The following RBMS2 variants were observed in gnomAD, a reference collection of about 807,000 sequenced individuals.
RBMS2 encodes the protein RNA-binding motif, single-stranded-interacting protein 2.
In RBMS2, 38 loss-of-function variants were observed where a neutral mutation model predicts 58.4. The ratio of observed to expected loss-of-function variants is 0.65; its 90% confidence interval spans 0.50 to 0.85. RBMS2 has a LOEUF of 0.85. RBMS2 is among the 40% of genes least tolerant of loss of function. The probability of loss-of-function intolerance (pLI) is 0.00; values close to 1 mark genes in which losing one functional copy is unlikely to be tolerated. For synonymous variants in RBMS2, 151 were observed against 180.7 expected (o/e 0.84, Z 1.32); for missense variants, 367 against 503.7 (o/e 0.73, Z 2.60).
rs1200947078 is a variant in RBMS2, at chr12:56,589,310, CT to C, written c.*178del. 26 of 1,336,778 alleles carry C rather than the reference CT, an allele frequency of 1.9e-5. No homozygotes were observed. The highest frequency in any genetic ancestry group is 6.8e-6 in the Non-Finnish European group (7 of 1,026,786). The allele number at this position is 1,336,778 out of a possible 1,614,324, so 82.8% of individuals were successfully genotyped here. A position where few individuals can be genotyped will look rare whatever the true frequency, so the allele number is the denominator to read the frequency against. ...CCTGGAAAAAGAAATCTCTACGTTC[CT>C]GCCCTTTACTATTGCTGATGGAGCC... On this transcript the variant is annotated 3_prime_UTR_variant, in exon 14 of 14. Coordinates refer to ENST00000262031, the MANE Select transcript of RBMS2 (RefSeq NM_002898.4).
At chr12:56,538,535 T>C (rs1875419837) in intron 1 of RBMS2, among the ~76,000 whole-genome samples, 1 of 138,150 alleles carries the variant, frequency 7.2e-6, no homozygotes, top group Admixed American at 8.0e-5. Flanking sequence ...TCACCCAGGC[T>C]GGAGTGCAGT....
At chr12:56,562,099 C>T (rs1259367212) in intron 1 of RBMS2, among the ~76,000 whole-genome samples, 1 of 152,154 alleles carries the variant, frequency 6.6e-6, no homozygotes, top group African/African-American at 2.4e-5. Flanking sequence ...TGAGCCACCA[C>T]GCCCAGCCTA....
At chr12:56,541,851 G>GTCCC in intron 1 of RBMS2, among the ~76,000 whole-genome samples, 1 of 152,168 alleles carries the variant, frequency 6.6e-6, no homozygotes, top group Non-Finnish European at 1.5e-5. Flanking sequence ...TAAGAAGGGA[G>GTCCC]GGGTGATATG....
Position 56,566,082 on chromosome 12 carries a change from G to T in RBMS2, c.234-2893G>T, listed in dbSNP as rs1032280808. On this transcript the variant is annotated intron_variant, in intron 2 of 13. Transcript: ENST00000262031. The stretch of plus-strand genomic sequence containing the variant: ...CCAAGTGTGTAGCCTGGAAGGGCTA[G>T]GATAGCCACATCCATCCTCACCCTC... Among the ~76,000 whole-genome samples, 3 of 152,268 alleles carry T rather than the reference G, an allele frequency of 2.0e-5. No homozygotes were observed. The East Asian group carries it at 5.8e-4, about 29-fold the overall frequency.
In RBMS2 at chr12:56,544,754, AT is replaced by A. The variant is rs537510847; in HGVS notation, c.67-17650del. The stretch of plus-strand genomic sequence containing the variant: ...TGCCACCATGCCCAGCTAATTTTTA[AT>A]TTTTTTTTTTTTCTTTTTTGTAGAG... On this transcript the variant is annotated intron_variant, in intron 1 of 13. Transcript: ENST00000262031. Among the ~76,000 whole-genome samples the A allele has an allele frequency of 6.8e-3, 784 of 116,084 alleles. 17 individuals are homozygous for A. Among genetic ancestry groups the A allele is most frequent in the African/African-American group, 0.023 (760 of 32,360 alleles). The allele number at this position is 116,084 out of a possible 152,430, so 76.2% of individuals were successfully genotyped here.
At chr12:56,573,464 G>A (rs1489386220) in intron 5 of RBMS2, among the ~76,000 whole-genome samples, 6 of 112,562 alleles carry the variant, frequency 5.3e-5, no homozygotes, top group Non-Finnish European at 8.4e-5. Flanking sequence ...GCAGCAAAGC[G>A]AGACGCCATC....
intron 1 of RBMS2, among the ~76,000 whole-genome samples, chr12:56,540,189 T>C (rs892702191): frequency 6.6e-6 from 1 of 152,134 alleles, no homozygotes; most frequent in African/African-American, 2.4e-5. Flanking sequence ...GCCAGAGCCA[T>C]GTCTGGTTTA....
Position 56,586,942 on chromosome 12 carries a change from T to C in RBMS2, c.951+16T>C, listed in dbSNP as rs774783455. 8.1e-6 allele frequency: 13 copies of C among 1,607,188 alleles called. No homozygotes were observed. The Admixed American group carries it at 2.2e-4, about 27-fold the overall frequency. On this transcript the variant is annotated intron_variant, in intron 10 of 13. Transcript: ENST00000262031. ...GCAGCCTTCAGTGAGTATTCAGAAG[T>C]GGGCAGAAGCCAAAGAGGCAATTTG...
rs2136552644 is a variant in RBMS2, at chr12:56,581,512, A to G, written c.732+4A>G. ...TTGGCCAAGGAATGCAGACATGGTA[A>G]GAGGACCTCTGAGGAGACAGGAGTA... is the stretch of plus-strand genomic sequence containing the variant. On this transcript the variant is annotated splice_donor_region_variant and intron_variant, in intron 7 of 13. Transcript: ENST00000262031. 2 of 1,611,224 alleles carry G rather than the reference A, an allele frequency of 1.2e-6. No homozygotes were observed. The highest frequency in any genetic ancestry group is 2.2e-5 in the South Asian group (2 of 90,988).
At chr12:56,542,037 A>C (rs147539252) in intron 1 of RBMS2, among the ~76,000 whole-genome samples, 372 of 133,986 alleles carry the variant, frequency 2.8e-3, no homozygotes, top group African/African-American at 9.8e-3. Flanking sequence ...TTATTAGATC[A>C]ATGCTTAAAT....
chr12:56,559,309 C>T (rs976460806), intron 1 of RBMS2, among the ~76,000 whole-genome samples: 2 of 151,536 alleles, frequency 1.3e-5, no homozygotes, highest in Non-Finnish European at 2.9e-5. Context: ...CTTAGCCTCC[C>T]TGAGTAGCTG....
In RBMS2 at chr12:56,564,737, G is replaced by A. The variant is rs370615130; in HGVS notation, c.233+2154G>A. ...GCCTGTAATTCCAGCACTTTGGGAG[G>A]CCAAGATGGGTGGATCACCTGAGGT... is the stretch of plus-strand genomic sequence containing the variant. On this transcript the variant is annotated intron_variant, in intron 2 of 13. Transcript: ENST00000262031. 1.3e-4 allele frequency among the ~76,000 whole-genome samples: 20 copies of A among 152,318 alleles called. 1 individual carries two copies. The highest frequency in any genetic ancestry group is 5.2e-4 in the Admixed American group (8 of 15,292).
Position 56,562,552 on chromosome 12 carries a change from A to G in RBMS2, c.202A>G (p.Thr68Ala). 6.2e-7 allele frequency: 1 copy of G among 1,613,570 alleles called. No individual in the cohort carries two copies. The change falls in exon 2 of 14, where the codon ACT (threonine) becomes GCT (alanine). Residue 68 changes from threonine to alanine, a missense_variant. Thr to Ala is a moderately conservative substitution (Grantham distance 58). Around this residue, in one of 3 missense-constraint regions of RBMS2, gnomAD observed 93 missense variants for 132.2 expected, o/e 0.70. Transcript: ENST00000262031. ...LYIRGLQPGT[T>A]DQDLVKLCQP... ...CATCCGAGGATTGCAACCAGGCACT[A>G]CTGACCAAGATCTTGTCAAGCTGTG... is the stretch of plus-strand genomic sequence containing the variant.
intron 1 of RBMS2, among the ~76,000 whole-genome samples, chr12:56,559,895 C>CTT (rs373481141): frequency 2.4e-5 from 2 of 83,558 alleles, no homozygotes; most frequent in African/African-American, 8.7e-5. Flanking sequence ...TCACAATCTT[C>CTT]TTTTTTTTTT....
At position 56,589,178 on chromosome 12, in the gene RBMS2, T is replaced by G; in HGVS notation, c.*45T>G. On this transcript the variant is annotated 3_prime_UTR_variant, in exon 14 of 14. Coordinates refer to ENST00000262031, the MANE Select transcript of RBMS2 (RefSeq NM_002898.4). ...ATCTTTACTGAATAGAAATGAATTC[T>G]TGGAGATACTCATGCTCCCAGATTC... 1 of 1,535,044 alleles carries G rather than the reference T, an allele frequency of 6.5e-7. No individual in the cohort carries two copies. The highest frequency in any genetic ancestry group is 1.2e-5 in the South Asian group (1 of 83,210).
chr12:56,569,489 G>T (rs895350754), intron 3 of RBMS2, among the ~76,000 whole-genome samples: 13 of 152,152 alleles, frequency 8.5e-5, no homozygotes, highest in Non-Finnish European at 1.6e-4. Flanking sequence ...GGTGGTGAGG[G>T]TCTTCTTCCA....
intron 1 of RBMS2, among the ~76,000 whole-genome samples, chr12:56,525,654 A>G (rs1032121023): frequency 6.7e-5 from 10 of 149,622 alleles, no homozygotes; most frequent in Non-Finnish European, 1.3e-4. Flanking sequence ...CAACTTTTAT[A>G]TATAACTTTT....
intron 1 of RBMS2, among the ~76,000 whole-genome samples, chr12:56,523,939 C>T (rs545554061): frequency 6.6e-6 from 1 of 152,094 alleles, no homozygotes; most frequent in South Asian, 2.1e-4. Flanking sequence ...TGTAGAGTAC[C>T]ATGTGAAAAT....
At chr12:56,554,352 A>T (rs1162760086) in intron 1 of RBMS2, among the ~76,000 whole-genome samples, 1 of 152,178 alleles carries the variant, frequency 6.6e-6, no homozygotes, top group Non-Finnish European at 1.5e-5. Flanking sequence ...CCCATCAATG[A>T]TAGGCTGGAT....
Sources: allele counts gnomAD v4.1 joint callset (sites outside exome capture counted in the v4.1 genomes callset), GRCh38; gene constraint gnomAD v4.1.1; regional missense constraint gnomAD v4.1.1; transcripts MANE v1.5; gene names NCBI Gene and HGNC (gene_info 2026-07-23, HGNC 2026-07-21).